Variants in LDB2 observed in about 807,000 individuals in gnomAD.
The protein encoded by LDB2 is LIM domain-binding protein 2.
LDB2 carries 12 observed loss-of-function variants against 44.3 expected under a neutral mutation model. The ratio of observed to expected loss-of-function variants is 0.27; its 90% CI spans 0.17 to 0.44. The LOEUF (loss-of-function observed/expected upper bound fraction) is 0.44. Ranked by LOEUF, LDB2 falls within the 20% of genes least tolerant of loss-of-function variation. LDB2 has a pLI of 1.00. For synonymous variants in LDB2, 164 were observed against 174.8 expected, an observed-to-expected ratio of 0.94 and a Z score of 0.49; for missense variants, 344 against 473.5, an observed-to-expected ratio of 0.73 and a Z score of 2.54.
At position 16,574,032 on chromosome 4, in the gene LDB2, G is replaced by A. The variant is rs116446898; in HGVS notation, c.615+11890C>T. 9.8e-3 allele frequency among the ~76,000 whole-genome samples: 1,492 copies of A among 152,284 alleles called. 24 individuals are homozygous for A. Among genetic ancestry groups the A allele is most frequent in the African/African-American group, 0.034 (1,401 of 41,544 alleles). On this transcript the variant is annotated intron_variant, in intron 5 of 7. Transcript: ENST00000304523. ...CAGGCCACTTTATGTCATTCTGATG[G>A]AGGTCATTTTCCAAAGCGAATTGCC...
At chr4:16,563,818 C>T (rs185271923) in intron 5 of LDB2, among the ~76,000 whole-genome samples, 3 of 152,164 alleles carry the variant, frequency 2.0e-5, no homozygotes, top group Admixed American at 6.5e-5. Context: ...CCATGGCGGA[C>T]CTGATCATGG....
intron 2 of LDB2, among the ~76,000 whole-genome samples, chr4:16,696,333 A>G (rs568853605): frequency 7.2e-5 from 11 of 152,328 alleles, no homozygotes; most frequent in Admixed American, 3.3e-4. Context: ...TAACCAGCAC[A>G]GCTCAAACTG....
intron 1 of LDB2, among the ~76,000 whole-genome samples, chr4:16,894,263 T>C (rs1240623457): frequency 6.6e-6 from 1 of 152,106 alleles, no homozygotes; most frequent in Non-Finnish European, 1.5e-5. Context: ...AGACATTGGG[T>C]CAATTTTTGA....
intron 5 of LDB2, among the ~76,000 whole-genome samples, chr4:16,581,117 T>C (rs923600779): frequency 2.6e-5 from 4 of 152,184 alleles, no homozygotes; most frequent in Admixed American, 2.6e-4. Flanking sequence ...TCTCATGAGC[T>C]CTGCATACAG....
chr4:16,853,924 A>T (rs981598623), intron 1 of LDB2, among the ~76,000 whole-genome samples: 9 of 152,136 alleles, frequency 5.9e-5, no homozygotes, highest in Admixed American at 3.3e-4. Context: ...AATCTTTTTT[A>T]AAAAATTTAA....
In LDB2 at chr4:16,898,343, G is replaced by T. The variant is rs767913558; in HGVS notation, c.132+11C>A. On this transcript the variant is annotated intron_variant, in intron 1 of 7. Coordinates refer to ENST00000304523, the MANE Select transcript of LDB2 (RefSeq NM_001290.5). ...AATACACAAACACATCCCCAAGGTT[G>T]AAGTACTTACCTCTGTGCGAGACTG... The T allele has an allele frequency of 3.7e-6, 6 of 1,609,826 alleles. No individual in the cohort carries two copies. In the African/African-American group the frequency reaches 6.7e-5, roughly 18 times the overall value.
intron 5 of LDB2, among the ~76,000 whole-genome samples, chr4:16,513,992 C>A (rs1722748158): frequency 6.6e-6 from 1 of 152,184 alleles, no homozygotes. Context: ...GACCCACATT[C>A]CAGCAAGGAT....
intron 1 of LDB2, chr4:16,888,728 A>G (rs188343057): frequency 9.2e-6 from 9 of 977,758 alleles, no homozygotes; most frequent in East Asian, 1.1e-4. Flanking sequence ...CATCGTCGTC[A>G]TCATCATCAT....
At chr4:16,867,855 C>A (rs2110319331) in intron 1 of LDB2, among the ~76,000 whole-genome samples, 1 of 152,272 alleles carries the variant, frequency 6.6e-6, no homozygotes, top group Non-Finnish European at 1.5e-5. Flanking sequence ...TCCTCCTATG[C>A]ACATAGAAGA....
At chr4:16,829,403 A>G (rs1783651778) in intron 1 of LDB2, among the ~76,000 whole-genome samples, 1 of 152,210 alleles carries the variant, frequency 6.6e-6, no homozygotes, top group Non-Finnish European at 1.5e-5. Flanking sequence ...AGAAAGAGAC[A>G]ATGCAGAAAG....
intron 2 of LDB2, among the ~76,000 whole-genome samples, chr4:16,613,321 T>C (rs778573589): frequency 6.6e-6 from 1 of 152,206 alleles, no homozygotes; most frequent in Non-Finnish European, 1.5e-5. Context: ...ATGCTGTCTC[T>C]CACCACTCTT....
At chr4:16,556,310 C>T (rs1739557485) in intron 5 of LDB2, among the ~76,000 whole-genome samples, 1 of 152,206 alleles carries the variant, frequency 6.6e-6, no homozygotes, top group South Asian at 2.1e-4. Context: ...ATCCTTTAAA[C>T]AGTTGATATG....
At chr4:16,568,191 G>A (rs1008799) in intron 5 of LDB2, among the ~76,000 whole-genome samples, 10,831 of 152,214 alleles carry the variant, frequency 0.071, 712 homozygotes, top group East Asian at 0.35. Flanking sequence ...AATGGTGGCC[G>A]TTAGTTCAAT....
At position 16,895,007 on chromosome 4, in the gene LDB2, T is replaced by A. The variant is rs76626099; in HGVS notation, c.132+3347A>T. Among the ~76,000 whole-genome samples the A allele has an allele frequency of 8.2e-3, 1,249 of 151,968 alleles. 20 individuals carry two copies. The highest frequency in any genetic ancestry group is 0.029 in the African/African-American group (1,189 of 41,446). On this transcript the variant is annotated intron_variant, in intron 1 of 7. Coordinates refer to ENST00000304523, the MANE Select transcript of LDB2 (RefSeq NM_001290.5). ...TTTCTGGTGTTTATGGTATTTTTTT[T>A]AATTAGCGTAGTGCCAACATGAAGA... is the stretch of plus-strand genomic sequence containing the variant.
At chr4:16,730,002 A>G (rs1186041396) in intron 2 of LDB2, among the ~76,000 whole-genome samples, 1 of 152,178 alleles carries the variant, frequency 6.6e-6, no homozygotes, top group Non-Finnish European at 1.5e-5. Context: ...GTTTTTCCCT[A>G]GGAAACACAT....
chr4:16,720,687 C>T (rs1248972701), intron 2 of LDB2, among the ~76,000 whole-genome samples: 1 of 152,024 alleles, frequency 6.6e-6, no homozygotes, highest in Non-Finnish European at 1.5e-5. Context: ...CCATATGCAC[C>T]ATAAATAAGC....
At chr4:16,611,793 T>C (rs1430324570) in intron 2 of LDB2, among the ~76,000 whole-genome samples, 1 of 152,086 alleles carries the variant, frequency 6.6e-6, no homozygotes, top group African/African-American at 2.4e-5. Context: ...CTGTCAGTAT[T>C]AGACAGATCA....
At chr4:16,804,088 T>C (rs1324509739) in intron 1 of LDB2, among the ~76,000 whole-genome samples, 2 of 152,184 alleles carry the variant, frequency 1.3e-5, no homozygotes, top group Non-Finnish European at 2.9e-5. Flanking sequence ...TTTTTTTAAT[T>C]GATCCATGTA....
chr4:16,770,632 C>G (rs1770463250), intron 1 of LDB2, among the ~76,000 whole-genome samples: 2 of 152,202 alleles, frequency 1.3e-5, no homozygotes, highest in South Asian at 4.1e-4. Flanking sequence ...TTTGCATCCT[C>G]TCTGACTCAT....
Sources: gnomAD v4.1 joint callset for allele counts (sites outside exome capture counted in the v4.1 genomes callset) on GRCh38, gnomAD v4.1.1 for gene constraint, MANE v1.5 for transcripts, NCBI Gene and HGNC (gene_info 2026-07-23, HGNC 2026-07-21) for gene names.